Variants in NAV3 observed in about 807,000 individuals in gnomAD.
The protein encoded by NAV3 is neuron navigator 3.
Under a neutral mutation model 244.7 loss-of-function variants are expected in NAV3, and 87 were observed. That is an observed-to-expected ratio of 0.36 (90% confidence interval 0.30 to 0.42). The LOEUF is 0.42. Ranked by LOEUF, NAV3 falls within the 20% of genes least tolerant of loss-of-function variation. NAV3 has a pLI of 1.00. For synonymous variants in NAV3, 1,126 were observed against 1,042.2 expected (o/e 1.08, Z -1.55); for missense variants, 2,663 against 2,893.3 (o/e 0.92, Z 1.83).
intron 3 of NAV3, among the ~76,000 whole-genome samples, chr12:77,956,504 T>G (rs151307409): frequency 6.6e-6 from 1 of 152,172 alleles, no homozygotes; most frequent in Non-Finnish European, 1.5e-5. Flanking sequence ...ATCTGGTTTA[T>G]GATTATTTAA....
intron 2 of NAV3, among the ~76,000 whole-genome samples, chr12:77,796,892 T>G (rs1239549713): frequency 6.6e-6 from 1 of 152,136 alleles, no homozygotes; most frequent in Non-Finnish European, 1.5e-5. Context: ...TAGACTACAG[T>G]GTAAAAATGA....
chr12:77,907,077 AAATCTGATTTC>A (rs1886063725), intron 1 of NAV3, among the ~76,000 whole-genome samples: 1 of 152,120 alleles, frequency 6.6e-6, no homozygotes, highest in Non-Finnish European at 1.5e-5. Context: ...AAAAACTCTA[AAATCTGATTTC>A]AAATCTGACA....
rs188484885 is a variant in NAV3, at chr12:78,177,700, G to A, written c.5363+15G>A. On this transcript the variant is annotated intron_variant, in intron 28 of 39. Transcript: ENST00000397909. ...CATAGATCTCGGTAAAGTGGAGTGC[G>A]ATGCATGAATACTGCAAAGATCCAG... 16 of 1,595,658 alleles carry A rather than the reference G, an allele frequency of 1.0e-5. No individual in the cohort carries two copies. In the East Asian group the frequency reaches 1.1e-4, roughly 11 times the overall value.
At chr12:77,605,423 TA>T (rs1279943936) in intron 2 of NAV3, among the ~76,000 whole-genome samples, 1 of 152,100 alleles carries the variant, frequency 6.6e-6, no homozygotes, top group Non-Finnish European at 1.5e-5. Context: ...TCTCAATGAC[TA>T]AAAGTTGGGG....
chr12:78,190,845 GC>G (rs1355406260), intron 34 of NAV3, among the ~76,000 whole-genome samples: 1 of 152,094 alleles, frequency 6.6e-6, no homozygotes, highest in Non-Finnish European at 1.5e-5. Flanking sequence ...GGCCTATACG[GC>G]GTAGCCTGTA....
chr12:77,644,565 ATTG>A (rs1210513896), intron 2 of NAV3, among the ~76,000 whole-genome samples: 4 of 152,064 alleles, frequency 2.6e-5, no homozygotes, highest in Non-Finnish European at 5.9e-5. Flanking sequence ...TCAGCTTTTA[ATTG>A]TTGACTTTTG....
chr12:78,201,035 TTCTC>T (rs1385239336), intron 38 of NAV3, among the ~76,000 whole-genome samples: 1 of 137,284 alleles, frequency 7.3e-6, no homozygotes, highest in Non-Finnish European at 1.6e-5. Flanking sequence ...CTCTCTCTCT[TTCTC>T]TCTCTCTCTT....
chr12:78,100,902 G>A (rs757163798), intron 12 of NAV3, among the ~76,000 whole-genome samples: 5 of 152,018 alleles, frequency 3.3e-5, no homozygotes, highest in Non-Finnish European at 7.4e-5. Context: ...GCTCTTTCCT[G>A]TAATGTTTAG....
At chr12:77,739,491 C>G (rs1406582462) in intron 2 of NAV3, among the ~76,000 whole-genome samples, 3 of 152,066 alleles carry the variant, frequency 2.0e-5, no homozygotes, top group African/African-American at 7.2e-5. Context: ...TCTGATGCCA[C>G]ATTTAATAAG....
In NAV3 at chr12:77,808,869, G is replaced by A. The variant is rs75055232; in HGVS notation, c.73-131450G>A. On this transcript the variant is annotated intron_variant, in intron 2 of 8. Coordinates refer to the NAV3 transcript ENST00000550042. ...CTGCTGCCTTTCTTTCAGATATGCCGTCTCAGAGAGGAGGAATCTAGGGAG... is the reference window on the plus strand; with the variant it reads ...CTGCTGCCTTTCTTTCAGATATGCCATCTCAGAGAGGAGGAATCTAGGGAG... 4.8e-4 allele frequency among the ~76,000 whole-genome samples: 73 copies of A among 152,286 alleles called. No homozygotes were observed. The East Asian group carries it at 8.3e-3, about 17-fold the overall frequency.
At chr12:78,067,276 A>C (rs1885128482) in intron 12 of NAV3, among the ~76,000 whole-genome samples, 1 of 152,104 alleles carries the variant, frequency 6.6e-6, no homozygotes, top group African/African-American at 2.4e-5. Context: ...AAGCAAACAC[A>C]ATAAAGATTA....
intron 2 of NAV3, among the ~76,000 whole-genome samples, chr12:77,585,796 C>T (rs1366077255): frequency 6.6e-6 from 1 of 152,060 alleles, no homozygotes; most frequent in Non-Finnish European, 1.5e-5. Context: ...GGTTGGGCAC[C>T]CTTGATATAA....
At chr12:77,966,369 A>G (rs1373262152) in intron 4 of NAV3, 68 bp downstream of exon 4, 11 of 1,361,146 alleles carry the variant, frequency 8.1e-6, no homozygotes, top group Non-Finnish European at 1.1e-5. Context: ...TTATAATGTA[A>G]GAAATGTAAC....
intron 2 of NAV3, among the ~76,000 whole-genome samples, chr12:77,770,296 G>A (rs559389206): frequency 2.0e-5 from 3 of 152,148 alleles, no homozygotes; most frequent in Admixed American, 6.5e-5. Context: ...ATAGTAGATT[G>A]TGAACTTGCA....
At chr12:78,023,409 G>A (rs1566028537) in intron 9 of NAV3, among the ~76,000 whole-genome samples, 1 of 152,074 alleles carries the variant, frequency 6.6e-6, no homozygotes, top group Non-Finnish European at 1.5e-5. Flanking sequence ...AATATAAACT[G>A]GCAATTAATG....
At chr12:77,841,725 T>C (rs1238384486) in intron 1 of NAV3, among the ~76,000 whole-genome samples, 1 of 152,182 alleles carries the variant, frequency 6.6e-6, no homozygotes, top group African/African-American at 2.4e-5. Context: ...CTAACATATA[T>C]ACTAACTGGC....
intron 11 of NAV3, among the ~76,000 whole-genome samples, chr12:78,051,823 T>G (rs1365656369): frequency 6.6e-6 from 1 of 152,254 alleles, no homozygotes; most frequent in African/African-American, 2.4e-5. Context: ...AATTGCCATT[T>G]TTAGCATTTC....
At chr12:77,644,239 T>A (rs1025858962) in intron 2 of NAV3, among the ~76,000 whole-genome samples, 3 of 152,174 alleles carry the variant, frequency 2.0e-5, no homozygotes, top group African/African-American at 7.2e-5. Flanking sequence ...TTTTCTGTTT[T>A]CTTTAAGAGG....
At chr12:78,091,149 C>T (rs929568018) in intron 12 of NAV3, among the ~76,000 whole-genome samples, 1 of 152,066 alleles carries the variant, frequency 6.6e-6, no homozygotes, top group Non-Finnish European at 1.5e-5. Flanking sequence ...AATGCAGACT[C>T]TACTTATAAT....
Sources: gnomAD v4.1 joint callset for allele counts (sites outside exome capture counted in the v4.1 genomes callset) on GRCh38, gnomAD v4.1.1 for gene constraint, MANE v1.5 for transcripts, NCBI Gene and HGNC (gene_info 2026-07-23, HGNC 2026-07-21) for gene names.